Variants in KLHDC1 observed in about 807,000 individuals in gnomAD.
KLHDC1 encodes kelch domain containing 1.
KLHDC1 carries 53 observed loss-of-function variants against 68.3 expected under a neutral mutation model. That is an observed-to-expected ratio of 0.78 (90% CI 0.62 to 0.98). The LOEUF (loss-of-function observed/expected upper bound fraction) is 0.98, where lower values mean the gene tolerates loss of function less well. KLHDC1 is among the 50% of genes least tolerant of loss of function. The pLI is 0.00. For missense variants in KLHDC1, 470 were observed against 492.3 expected, an observed-to-expected ratio of 0.95 and a Z score of 0.43; for synonymous variants, 148 against 159.0, an observed-to-expected ratio of 0.93 and a Z score of 0.52.
Position 49,724,492 on chromosome 14 carries a change from T to A in KLHDC1, c.483+540T>A, listed in dbSNP as rs374309844. On this transcript the variant is annotated intron_variant, in intron 5 of 12. Coordinates refer to ENST00000359332, the MANE Select transcript of KLHDC1 (RefSeq NM_172193.3). ...ATCCTACCACCAAGATGCAGTCTTATTAGTTTTACCTTCTACTAGCGTATA... is the reference window on the plus strand; with the variant it reads ...ATCCTACCACCAAGATGCAGTCTTAATAGTTTTACCTTCTACTAGCGTATA... Among the ~76,000 whole-genome samples the A allele has an allele frequency of 3.4e-4, 52 of 152,190 alleles. No individual in the cohort carries two copies. The South Asian group carries it at 0.011, about 32-fold the overall frequency.
At chr14:49,728,064 G>A (rs1229660649) in intron 6 of KLHDC1, among the ~76,000 whole-genome samples, 1 of 152,208 alleles carries the variant, frequency 6.6e-6, no homozygotes, top group East Asian at 1.9e-4. Context: ...GCTCACGCCT[G>A]TAATCTCAGC....
chr14:49,700,884 C>G (rs1216264227), intron 1 of KLHDC1, among the ~76,000 whole-genome samples: 1 of 151,896 alleles, frequency 6.6e-6, no homozygotes, highest in Non-Finnish European at 1.5e-5. Context: ...AGTTCAAGAC[C>G]AGCCTGGCCA....
intron 1 of KLHDC1, among the ~76,000 whole-genome samples, chr14:49,706,325 A>AT (rs977070084): frequency 4.1e-4 from 63 of 152,188 alleles, no homozygotes; most frequent in African/African-American, 1.3e-3. Context: ...ATTCTTTTTT[A>AT]TGGCTGAATG....
intron 4 of KLHDC1, among the ~76,000 whole-genome samples, chr14:49,714,309 T>C (rs1343201555): frequency 6.6e-6 from 1 of 150,908 alleles, no homozygotes; most frequent in African/African-American, 2.4e-5. Context: ...CTGTCTCTAC[T>C]AAAAATACAA....
intron 4 of KLHDC1, among the ~76,000 whole-genome samples, chr14:49,716,846 C>T (rs1360934450): frequency 6.6e-6 from 1 of 152,194 alleles, no homozygotes; most frequent in Non-Finnish European, 1.5e-5. Context: ...AACAGAAACT[C>T]TGTGCCCATT....
chr14:49,749,483 C>A (rs1007203144), intron 12 of KLHDC1, among the ~76,000 whole-genome samples: 36 of 151,810 alleles, frequency 2.4e-4, no homozygotes, highest in African/African-American at 8.7e-4. Flanking sequence ...CAAGACTAGC[C>A]TGGCCAAGGT....
chr14:49,730,442 G>A (rs956959418), intron 8 of KLHDC1, among the ~76,000 whole-genome samples: 1 of 151,958 alleles, frequency 6.6e-6, no homozygotes, highest in African/African-American at 2.4e-5. Context: ...GGATGGTCTC[G>A]ATCTCTTGAC....
At chr14:49,741,394 C>T (rs1228790880) in intron 11 of KLHDC1, among the ~76,000 whole-genome samples, 1 of 151,708 alleles carries the variant, frequency 6.6e-6, no homozygotes, top group Non-Finnish European at 1.5e-5. Flanking sequence ...CAGCCTCCAC[C>T]TCCTGGGTTC....
Position 49,693,153 on chromosome 14 carries a change from A to C in KLHDC1, c.-42A>C, listed in dbSNP as rs376263975. ...CTGGAGGCGAGGCCGCCGGGCGGGC[A>C]GGGGTTGTGGCGCGGCAAGCGGCGG... On this transcript the variant is annotated 5_prime_UTR_variant, in exon 1 of 13. Coordinates refer to ENST00000359332, the MANE Select transcript of KLHDC1 (RefSeq NM_172193.3). The C allele has an allele frequency of 3.3e-6, 5 of 1,530,980 alleles. No individual in the cohort carries two copies. Among genetic ancestry groups the C allele is most frequent in the Non-Finnish European group, 4.4e-6 (5 of 1,130,236 alleles). 94.8% of individuals were successfully genotyped at this position (1,530,980 alleles called of 1,614,324 possible).
At chr14:49,736,152 A>G (rs781656145) in intron 10 of KLHDC1, among the ~76,000 whole-genome samples, 1 of 152,214 alleles carries the variant, frequency 6.6e-6, no homozygotes, top group Non-Finnish European at 1.5e-5. Context: ...AAAAATGTTT[A>G]ATTTTAAAAT....
At chr14:49,747,454 C>T (rs1448280800) in intron 12 of KLHDC1, among the ~76,000 whole-genome samples, 1 of 152,138 alleles carries the variant, frequency 6.6e-6, no homozygotes, top group East Asian at 1.9e-4. Flanking sequence ...CAAGAAAATG[C>T]AGGAAAAGCG....
At chr14:49,737,607 G>A (rs377549270) in intron 10 of KLHDC1, among the ~76,000 whole-genome samples, 84 of 151,872 alleles carry the variant, frequency 5.5e-4, no homozygotes, top group South Asian at 1.2e-3. Flanking sequence ...GCTCACACCT[G>A]TAATCCCAGC....
chr14:49,738,228 C>T (rs1284643541), intron 10 of KLHDC1, among the ~76,000 whole-genome samples: 1 of 151,832 alleles, frequency 6.6e-6, no homozygotes, highest in East Asian at 1.9e-4. Flanking sequence ...ACTATCAGAC[C>T]ACTTCCAAAA....
At chr14:49,751,472 G>A (rs1176315333) in intron 12 of KLHDC1, 114 bp from the exon 13 acceptor site, 17 of 483,904 alleles carry the variant, frequency 3.5e-5, no homozygotes, top group Non-Finnish European at 5.1e-5. Context: ...ATTAAAAAAA[G>A]ATCTGTGAAA....
rs372468275 is a variant in KLHDC1, at chr14:49,729,530, C to A, written c.692C>A (p.Thr231Asn). 1 of 1,609,938 alleles carries A rather than the reference C, an allele frequency of 6.2e-7. No homozygotes were observed. Among genetic ancestry groups the A allele is most frequent in the African/African-American group, 1.3e-5 (1 of 74,816 alleles). Residue 231 changes from threonine to asparagine, a missense_variant, in exon 8 of 13, where the codon ACC (threonine) becomes AAC (asparagine). Physicochemically the swap from Thr to Asn is moderately conservative, Grantham distance 65. Coordinates refer to ENST00000359332, the MANE Select transcript of KLHDC1 (RefSeq NM_172193.3). Reference sequence around the variant, plus strand: ...GATTTGCACTATCTAAACCTAGACACCTGGACTTGGTCTGGAAGGTAAGTT... The same window carrying A: ...GATTTGCACTATCTAAACCTAGACAACTGGACTTGGTCTGGAAGGTAAGTT... ...MNDLHYLNLD[T>N]WTWSGRITIN...
chr14:49,722,336 G>T (rs1220795835), intron 4 of KLHDC1, among the ~76,000 whole-genome samples: 1 of 152,100 alleles, frequency 6.6e-6, no homozygotes, highest in Non-Finnish European at 1.5e-5. Flanking sequence ...TCATTGTTCA[G>T]TTCCCACCTA....
At chr14:49,726,507 CAA>C (rs1273778335) in intron 6 of KLHDC1, among the ~76,000 whole-genome samples, 1 of 152,202 alleles carries the variant, frequency 6.6e-6, no homozygotes, top group Non-Finnish European at 1.5e-5. Context: ...TCTTTACCCA[CAA>C]GTGTCATGCC....
At chr14:49,705,365 C>CTTTTTTTTTTTT (rs59444333) in intron 1 of KLHDC1, among the ~76,000 whole-genome samples, 7,194 of 71,626 alleles carry the variant, frequency 0.1, 833 homozygotes, top group East Asian at 0.12. Flanking sequence ...TTCTTTCTTT[C>CTTTTTTTTTTTT]TTTTTTTTTT....
chr14:49,720,472 C>T (rs113089459), intron 4 of KLHDC1, among the ~76,000 whole-genome samples: 2,645 of 151,988 alleles, frequency 0.017, 78 homozygotes, highest in African/African-American at 0.06. Flanking sequence ...TTTTGTTTCT[C>T]TGTATGTGTC....
Sources: gnomAD v4.1 joint callset for allele counts (sites outside exome capture counted in the v4.1 genomes callset) on GRCh38, gnomAD v4.1.1 for gene constraint, MANE v1.5 for transcripts, NCBI Gene and HGNC (gene_info 2026-07-23, HGNC 2026-07-21) for gene names.